Variants in GPR89B observed in about 807,000 individuals in gnomAD.
GPR89B encodes golgi pH regulator B.
In GPR89B, 25 loss-of-function variants were observed where a neutral mutation model predicts 52.4. The ratio of observed to expected loss-of-function variants is 0.48; its 90% CI spans 0.35 to 0.67. GPR89B has a LOEUF of 0.67. Ranked by LOEUF, GPR89B falls within the 30% of genes least tolerant of loss-of-function variation. The pLI, the probability that GPR89B is intolerant of heterozygous loss-of-function variation, is 0.01. For synonymous variants in GPR89B, 52 were observed against 151.2 expected, an observed-to-expected ratio of 0.34 and a Z score of 4.81; for missense variants, 146 against 450.2, an observed-to-expected ratio of 0.32 and a Z score of 6.11.
At chr1:147,933,212 C>T (rs1653795541) in intron 1 of GPR89B, among the ~76,000 whole-genome samples, 1 of 150,946 alleles carries the variant, frequency 6.6e-6, no homozygotes, top group South Asian at 2.1e-4. Flanking sequence ...CTTCTCTAGC[C>T]TATTATCTAA....
chr1:147,954,952 A>G (rs1656006026), intron 7 of GPR89B, among the ~76,000 whole-genome samples: 1 of 152,104 alleles, frequency 6.6e-6, no homozygotes, highest in African/African-American at 2.4e-5. Flanking sequence ...TGTGCAATAC[A>G]TTATTATTTA....
chr1:147,993,632 T>G (rs2149099138), downstream of GPR89B: 1 of 155,472 alleles, frequency 6.4e-6, no homozygotes, highest in Middle Eastern at 3.4e-3. Flanking sequence ...CCTCACGCTG[T>G]GGGGTGAAAC....
At chr1:147,985,056 TGA>T (rs1428339052) in intron 10 of GPR89B, among the ~76,000 whole-genome samples, 1 of 152,198 alleles carries the variant, frequency 6.6e-6, no homozygotes, top group Non-Finnish European at 1.5e-5. Flanking sequence ...TATCAGTTAT[TGA>T]GAGAGGGGAT....
intron 10 of GPR89B, among the ~76,000 whole-genome samples, chr1:147,970,684 G>T (rs1657402526): frequency 6.7e-6 from 1 of 150,342 alleles, no homozygotes; most frequent in Non-Finnish European, 1.5e-5. Flanking sequence ...GAAGTTACTT[G>T]TCCTTTTTAA....
chr1:148,003,074 G>C, the GPR89B span, among the ~76,000 whole-genome samples: 6 of 152,274 alleles, frequency 3.9e-5, no homozygotes, highest in Non-Finnish European at 7.4e-5. Flanking sequence ...TAGACTCCTT[G>C]ACTAAAGAAT....
the GPR89B span, among the ~76,000 whole-genome samples, chr1:148,017,625 C>T: frequency 2.0e-5 from 3 of 149,924 alleles, no homozygotes; most frequent in African/African-American, 7.4e-5. Flanking sequence ...GTAGTCCCAG[C>T]TACTCAGGAG....
intron 1 of GPR89B, among the ~76,000 whole-genome samples, chr1:147,933,798 TATA>T (rs766958951): frequency 2.4e-4 from 36 of 152,304 alleles, no homozygotes; most frequent in Non-Finnish European, 3.8e-4. Flanking sequence ...AACACATTTC[TATA>T]ATGTTTCTCT....
chr1:148,015,293 ATCTCTCTC>A, the GPR89B span, among the ~76,000 whole-genome samples: 1,315 of 69,860 alleles, frequency 0.019, 46 homozygotes, highest in African/African-American at 0.052. Context: ...GGATTCTAGG[ATCTCTCTC>A]TCTCTCTCTC....
At chr1:147,946,676 C>G (rs1473035979) in intron 5 of GPR89B, among the ~76,000 whole-genome samples, 2 of 152,268 alleles carry the variant, frequency 1.3e-5, no homozygotes, top group African/African-American at 2.4e-5. Flanking sequence ...CCAGCTTTCT[C>G]CTGTGTGCAT....
chr1:147,984,921 A>G (rs1392109902), intron 10 of GPR89B, among the ~76,000 whole-genome samples: 1 of 152,142 alleles, frequency 6.6e-6, no homozygotes, highest in Admixed American at 6.6e-5. Context: ...CAGACAGAAT[A>G]TGGTGATAAA....
chr1:147,981,318 G>GACACACACACACACAC (rs1189035337), intron 10 of GPR89B, among the ~76,000 whole-genome samples: 3,091 of 148,782 alleles, frequency 0.021, 45 homozygotes, highest in Non-Finnish European at 0.029. Context: ...CTCCCTCCCC[G>GACACACACACACACAC]ACACACACAC....
the GPR89B span, chr1:148,022,096 A>C: frequency 6.6e-6 from 1 of 151,396 alleles, no homozygotes; most frequent in Non-Finnish European, 1.5e-5. Flanking sequence ...GTCGGTGAAC[A>C]TTAACCTTCC....
At chr1:148,009,047 G>A in the GPR89B span, among the ~76,000 whole-genome samples, 3 of 151,920 alleles carry the variant, frequency 2.0e-5, no homozygotes, top group Admixed American at 2.0e-4. Flanking sequence ...CAACCCTCTG[G>A]CCCCCTGACC....
chr1:147,983,570 G>A lies in GPR89B; in HGVS notation c.910-2629G>A, dbSNP rs1247025681. On this transcript the variant is annotated intron_variant, in intron 10 of 13. Transcript: ENST00000314163. ...ACATTTATGACGCCAAAAAACACAAGAAAAAATGCTCACCATCACTGGCCA... is the reference window on the plus strand; with the variant it reads ...ACATTTATGACGCCAAAAAACACAAAAAAAAATGCTCACCATCACTGGCCA... Among the ~76,000 whole-genome samples, 11 of 152,134 alleles carry A rather than the reference G, an allele frequency of 7.2e-5. 1 individual carries two copies. Among genetic ancestry groups the A allele is most frequent in the Admixed American group, 5.2e-4 (8 of 15,274 alleles).
chr1:147,952,997 G>GTTT (rs71228114), intron 5 of GPR89B, among the ~76,000 whole-genome samples: 1 of 128,850 alleles, frequency 7.8e-6, no homozygotes. Flanking sequence ...TACTTTCTTA[G>GTTT]TTTTTTTTTT....
chr1:148,014,497 G>A, the GPR89B span: 1 of 151,206 alleles, frequency 6.6e-6, no homozygotes, highest in Non-Finnish European at 1.5e-5. Flanking sequence ...AAATCGCAGG[G>A]GTCAGCGGAG....
In GPR89B at chr1:147,940,129, C is replaced by T. The variant is rs587599618; in HGVS notation, c.206+1312C>T. Among the ~76,000 whole-genome samples, 72 of 151,958 alleles carry T rather than the reference C, an allele frequency of 4.7e-4. No individual in the cohort carries two copies. The South Asian group carries it at 0.011, about 22-fold the overall frequency. The stretch of plus-strand genomic sequence containing the variant: ...TTTAATAATCCAAACCTTGGCCGGG[C>T]GCGGTGGCTCACGCCTGTAATCCCA... On this transcript the variant is annotated intron_variant, in intron 3 of 13. Transcript: ENST00000314163.
chr1:147,981,273 T>C (rs1658225298), intron 10 of GPR89B, among the ~76,000 whole-genome samples: 1 of 149,122 alleles, frequency 6.7e-6, no homozygotes, highest in South Asian at 2.1e-4. Context: ...TTTGAGACTA[T>C]CCTGAGAAAC....
intron 5 of GPR89B, among the ~76,000 whole-genome samples, chr1:147,947,443 G>A (rs1655080627): frequency 6.6e-6 from 1 of 152,004 alleles, no homozygotes; most frequent in African/African-American, 2.4e-5. Flanking sequence ...GTCCTTAGTG[G>A]GAAAGAGTAA....
Sources: allele counts gnomAD v4.1 joint callset (sites outside exome capture counted in the v4.1 genomes callset), GRCh38; gene constraint gnomAD v4.1.1; transcripts MANE v1.5; gene names NCBI Gene and HGNC (gene_info 2026-07-23, HGNC 2026-07-21).